Variants in TRAPPC12 observed in about 807,000 individuals in gnomAD.
TRAPPC12 encodes the protein TPR repeat protein 15.
Under a neutral mutation model 69.2 loss-of-function variants are expected in TRAPPC12, and 61 were observed. The ratio of observed to expected loss-of-function variants is 0.88; its 90% CI spans 0.72 to 1.09. The LOEUF is 1.09. TRAPPC12 is among the 50% of genes least tolerant of loss of function. The pLI is 0.00. For synonymous variants in TRAPPC12, 469 were observed against 438.9 expected, an observed-to-expected ratio of 1.07 and a Z score of -0.86; for missense variants, 1,101 against 1,016.4, an observed-to-expected ratio of 1.08 and a Z score of -1.13.
chr2:3,436,406 C>G (rs901326575), intron 5 of TRAPPC12, among the ~76,000 whole-genome samples: 31 of 152,170 alleles, frequency 2.0e-4, no homozygotes, highest in Non-Finnish European at 4.1e-4. Context: ...TTATTGTATA[C>G]TAAAGAATAT....
At chr2:3,413,980 C>T (rs1003682868) in intron 3 of TRAPPC12, among the ~76,000 whole-genome samples, 17 of 152,142 alleles carry the variant, frequency 1.1e-4, no homozygotes, top group African/African-American at 3.9e-4. Flanking sequence ...TTGTCTCCTC[C>T]ACCCTGCCCC....
intron 7 of TRAPPC12, chr2:3,458,139 G>A (rs907329967): frequency 5.9e-6 from 6 of 1,017,116 alleles, no homozygotes; most frequent in Non-Finnish European, 7.1e-6. Flanking sequence ...AGAGCCTGGG[G>A]CAGGCTGAGG....
chr2:3,388,645 C>CG lies in TRAPPC12; in HGVS notation c.1025dup (p.Leu343ProfsTer12). 6.3e-7 allele frequency: 1 copy of CG among 1,575,330 alleles called. No individual in the cohort carries two copies. Among genetic ancestry groups the CG allele is most frequent in the Non-Finnish European group, 8.6e-7 (1 of 1,158,510 alleles). On this transcript the variant is annotated frameshift_variant, in exon 2 of 12. Transcript: ENST00000324266. LOFTEE classifies it high-confidence loss of function. ...GTGGACAAGGAGAACCTCACCATGCCGGGCCTCAGGTTCGACAACATCCAG... is the reference window on the plus strand; with the variant it reads ...GTGGACAAGGAGAACCTCACCATGCCGGGGCCTCAGGTTCGACAACATCCAG...
At position 3,479,547 on chromosome 2, in the gene TRAPPC12, CAAT is replaced by C; in HGVS notation, c.*89_*91del. The C allele has an allele frequency of 6.6e-7, 1 of 1,507,224 alleles. No homozygotes were observed. The highest frequency in any genetic ancestry group is 1.4e-5 in the African/African-American group (1 of 72,464). The allele number at this position is 1,507,224 out of a possible 1,614,324, so 93.4% of individuals were successfully genotyped here. A position where few individuals can be genotyped will look rare whatever the true frequency, so the allele number is the denominator to read the frequency against. On this transcript the variant is annotated 3_prime_UTR_variant, in exon 12 of 12. Transcript: ENST00000324266. ...TGTATTAATGTGACATGGAGGAACT[CAAT>C]AAAACTCCTGCTTCACTGGTGTCTG...
chr2:3,383,833 G>A (rs959053132), intron 1 of TRAPPC12, among the ~76,000 whole-genome samples: 1 of 136,778 alleles, frequency 7.3e-6, no homozygotes, highest in African/African-American at 2.6e-5. Flanking sequence ...CTCTTCCTTT[G>A]ATGTGTGCTA....
chr2:3,459,380 T>A (rs796224355), intron 7 of TRAPPC12, among the ~76,000 whole-genome samples: 19 of 152,288 alleles, frequency 1.2e-4, no homozygotes, highest in African/African-American at 4.3e-4. Context: ...GTCAATAATA[T>A]GTTCATTTCA....
intron 3 of TRAPPC12, among the ~76,000 whole-genome samples, chr2:3,418,057 A>AAAAAAAAG (rs1237319745): frequency 1.4e-4 from 4 of 27,816 alleles, no homozygotes; most frequent in African/African-American, 7.0e-4. Context: ...AAAAAAAAAA[A>AAAAAAAAG]AACATTGTCA....
intron 9 of TRAPPC12, among the ~76,000 whole-genome samples, chr2:3,474,288 C>A (rs958867642): frequency 1.3e-5 from 2 of 152,220 alleles, no homozygotes; most frequent in African/African-American, 4.8e-5. Context: ...GCAAGGAAGC[C>A]AGTCCAAGTC....
chr2:3,403,129 A>G (rs1295213290), intron 3 of TRAPPC12, among the ~76,000 whole-genome samples: 3 of 152,230 alleles, frequency 2.0e-5, no homozygotes, highest in Admixed American at 6.5e-5. Flanking sequence ...CTTTCAAAAA[A>G]GAGAATGGAA....
chr2:3,422,450 G>T (rs1038065917), intron 4 of TRAPPC12, among the ~76,000 whole-genome samples: 1 of 152,218 alleles, frequency 6.6e-6, no homozygotes, highest in Non-Finnish European at 1.5e-5. Context: ...AAAAGGGAAT[G>T]CACAAAATAG....
chr2:3,387,291 T>C (rs999111644), intron 1 of TRAPPC12, among the ~76,000 whole-genome samples: 1 of 152,144 alleles, frequency 6.6e-6, no homozygotes, highest in African/African-American at 2.4e-5. Flanking sequence ...AAGACAGTTA[T>C]CGGGTGATTC....
chr2:3,413,514 TA>T (rs1170840221), intron 3 of TRAPPC12, among the ~76,000 whole-genome samples: 2 of 152,184 alleles, frequency 1.3e-5, no homozygotes, highest in East Asian at 3.8e-4. Context: ...AATATCAAAT[TA>T]ACAAATAATG....
At position 3,388,012 on chromosome 2, in the gene TRAPPC12, C is replaced by A; in HGVS notation, c.389C>A (p.Ala130Asp). ...PEDAAPSSGG[A>D]PRQDAAREVP... ...GACGCGGCACCCAGTAGCGGAGGGGCCCCGAGGCAGGACGCGGCCCGCGAG... is the reference window on the plus strand; with the variant it reads ...GACGCGGCACCCAGTAGCGGAGGGGACCCGAGGCAGGACGCGGCCCGCGAG... The change falls in exon 2 of 12, where the codon GCC becomes GAC. Residue 130 changes from alanine to aspartate, a missense_variant. Physicochemically the swap from Ala to Asp is moderately radical, Grantham distance 126 (BLOSUM62 -2). Coordinates refer to ENST00000324266, the MANE Select transcript of TRAPPC12 (RefSeq NM_016030.6). 1.4e-6 allele frequency: 2 copies of A among 1,470,060 alleles called. No homozygotes were observed. The highest frequency in any genetic ancestry group is 2.5e-5 in the Admixed American group (1 of 40,570). The allele number at this position is 1,470,060 out of a possible 1,614,324, so 91.1% of individuals were successfully genotyped here. A position where few individuals can be genotyped will look rare whatever the true frequency, so the allele number is the denominator to read the frequency against.
chr2:3,466,351 G>C, intron 9 of TRAPPC12: 1 of 471,220 alleles, frequency 2.1e-6, no homozygotes. Flanking sequence ...GGATGGCTGA[G>C]CGGGGAGAAG....
chr2:3,439,223 T>C (rs1354101845), intron 5 of TRAPPC12, among the ~76,000 whole-genome samples: 2 of 152,206 alleles, frequency 1.3e-5, no homozygotes, highest in Non-Finnish European at 2.9e-5. Context: ...TTTATATGCT[T>C]GTTATTGATA....
chr2:3,412,849 G>A (rs1558361180), intron 3 of TRAPPC12, among the ~76,000 whole-genome samples: 1 of 152,138 alleles, frequency 6.6e-6, no homozygotes, highest in Non-Finnish European at 1.5e-5. Context: ...ATGAAATTAG[G>A]AATACCTTTC....
intron 8 of TRAPPC12, among the ~76,000 whole-genome samples, chr2:3,461,479 C>T (rs559684497): frequency 2.2e-4 from 33 of 152,352 alleles, no homozygotes; most frequent in African/African-American, 6.0e-4. Flanking sequence ...GACGCAGCCT[C>T]GCACTACTGC....
At chr2:3,386,762 G>C (rs1330473504) in intron 1 of TRAPPC12, among the ~76,000 whole-genome samples, 1 of 152,168 alleles carries the variant, frequency 6.6e-6, no homozygotes, top group Non-Finnish European at 1.5e-5. Flanking sequence ...ACAAATTGAA[G>C]AGTCTTGGGA....
intron 7 of TRAPPC12, 142 bp downstream of exon 7, chr2:3,457,835 C>T: frequency 1.4e-6 from 2 of 1,455,498 alleles, no homozygotes; most frequent in Non-Finnish European, 1.8e-6. Flanking sequence ...GCAACTCACT[C>T]CTTTCTTGGG....
Sources: gnomAD v4.1 joint callset for allele counts (sites outside exome capture counted in the v4.1 genomes callset) on GRCh38, gnomAD v4.1.1 for gene constraint, MANE v1.5 for transcripts, NCBI Gene and HGNC (gene_info 2026-07-23, HGNC 2026-07-21) for gene names.